The following MYH10 variants were observed in gnomAD, a reference collection of about 807,000 sequenced individuals.
The protein encoded by MYH10 is myosin heavy chain 10.
MYH10 carries 55 observed loss-of-function variants against 257.8 expected under a neutral mutation model. That is an observed-to-expected ratio of 0.21 (90% confidence interval 0.17 to 0.27). The LOEUF (loss-of-function observed/expected upper bound fraction) is 0.27, where lower values mean the gene tolerates loss of function less well. Ranked by LOEUF, MYH10 falls within the 10% of genes least tolerant of loss-of-function variation. The pLI is 1.00. For synonymous variants in MYH10, 854 were observed against 921.7 expected (o/e 0.93, Z 1.33); for missense variants, 1,631 against 2,500.6 (o/e 0.65, Z 7.42).
chr17:8,545,474 C>G lies in MYH10; in HGVS notation c.1405G>C (p.Asp469His). ...RQGASFIGIL[D>H]IAGFEIFELN... is the part of the protein sequence containing the mutation. ...TCAAAAATTTCAAATCCAGCAATATCCAGGATTCCAATGAAAGATGCTCCC... is the reference window on the plus strand; with the variant it reads ...TCAAAAATTTCAAATCCAGCAATATGCAGGATTCCAATGAAAGATGCTCCC... The change falls in exon 13 of 43, where the codon GAT (aspartate) becomes CAT (histidine). Residue 469 changes from aspartate (D) to histidine (H), a missense_variant. This residue lies in a region of MYH10 where 360 missense variants were observed against 581.9 expected (regional missense o/e 0.62). Coordinates refer to ENST00000360416, the MANE Select transcript of MYH10 (RefSeq NM_001256012.3). This position sits in a 1 kb window ranked among gnomAD's most constrained non-coding sequence, Gnocchi z 4.7. 6.2e-7 allele frequency: 1 copy of G among 1,613,606 alleles called. No individual in the cohort carries two copies. Among genetic ancestry groups the G allele is most frequent in the Non-Finnish European group, 8.5e-7 (1 of 1,179,916 alleles).
At chr17:8,589,499 C>T (rs536857535) in intron 3 of MYH10, among the ~76,000 whole-genome samples, 2 of 152,112 alleles carry the variant, frequency 1.3e-5, no homozygotes, top group Non-Finnish European at 2.9e-5. Flanking sequence ...GATTAAAAAC[C>T]CTTCTTTAAA....
chr17:8,547,294 C>T (rs2082475173), intron 11 of MYH10, among the ~76,000 whole-genome samples: 1 of 152,080 alleles, frequency 6.6e-6, no homozygotes, highest in Non-Finnish European at 1.5e-5. Context: ...TAATATATGC[C>T]TTACTCTGCA....
rs1026634588 is a variant in MYH10 at position 8,484,405 on chromosome 17, A to G, written c.5047-139T>C. The G allele has an allele frequency of 6.9e-6, 5 of 724,894 alleles. No individual in the cohort carries two copies. In the African/African-American group the frequency reaches 9.2e-5, roughly 13 times the overall value. 44.9% of individuals were successfully genotyped at this position (724,894 alleles called of 1,614,324 possible). ...GCCTCAAGCATTGCTCCTGATTACA[A>G]GTGTGAGCTGCGGTGCCTGGCCCCA... On this transcript the variant is annotated intron_variant, in intron 36 of 42. Coordinates refer to ENST00000360416, the MANE Select transcript of MYH10 (RefSeq NM_001256012.3).
rs774140482 is a variant in MYH10 at position 8,480,468 on chromosome 17, C to T, written c.5322G>A (p.Glu1774=). The T allele has an allele frequency of 6.2e-7, 1 of 1,612,640 alleles. No individual in the cohort carries two copies. The change falls in exon 39 of 43, where the codon GAG becomes GAA. Residue 1774 remains glutamate, a synonymous_variant. Transcript: ENST00000360416. ...RLEARIAQLE[E]ELEEEQSNME... ...TGTTGCTCTGCTCCTCTTCCAGCTCCTCCTCCAGCTGTGCGATCCGAGCTT... is the reference window on the plus strand; with the variant it reads ...TGTTGCTCTGCTCCTCTTCCAGCTCTTCCTCCAGCTGTGCGATCCGAGCTT...
At chr17:8,532,041 G>A (rs939209533) in intron 16 of MYH10, among the ~76,000 whole-genome samples, 7 of 152,142 alleles carry the variant, frequency 4.6e-5, no homozygotes, top group Non-Finnish European at 1.0e-4. Context: ...TCACCCTGAA[G>A]AACAGTGCCT....
Position 8,480,308 on chromosome 17 carries a change from A to T in MYH10, c.5399T>A (p.Leu1800Gln), listed in dbSNP as rs1433736551. 1 of 1,614,066 alleles carries T rather than the reference A, an allele frequency of 6.2e-7. No individual in the cohort carries two copies. The highest frequency in any genetic ancestry group is 2.2e-5 in the East Asian group (1 of 44,886). The change falls in exon 40 of 43, where the codon CTG becomes CAG. Residue 1800 changes from leucine (L) to glutamine (Q), a missense_variant. Leu to Gln is a moderately radical substitution (Grantham distance 113). Around this residue, in one of 11 missense-constraint regions of MYH10, gnomAD observed 343 missense variants for 389.5 expected, o/e 0.88. Transcript: ENST00000360416. ...GCGCTCGGCTGCTAGCTCGGCGTTC[A>T]GTGTGTCCACCTAGAGAGGAGAGAG... ...FRKTTLQVDT[L>Q]NAELAAERSA...
At position 8,476,873 on chromosome 17, in the gene MYH10, C is replaced by T. The variant is rs760516833; in HGVS notation, c.5879+3G>A. On this transcript the variant is annotated splice_donor_region_variant and intron_variant, in intron 42 of 42. Coordinates refer to ENST00000360416, the MANE Select transcript of MYH10 (RefSeq NM_001256012.3). ...GTCAGCTCGGGGCCGCATGCCTGCTCACCTCAGCCGGTTCTTCAGGGTGCT... is the reference window on the plus strand; with the variant it reads ...GTCAGCTCGGGGCCGCATGCCTGCTTACCTCAGCCGGTTCTTCAGGGTGCT... 6.2e-7 allele frequency: 1 copy of T among 1,604,424 alleles called. No individual in the cohort carries two copies. The highest frequency in any genetic ancestry group is 8.5e-7 in the Non-Finnish European group (1 of 1,177,196).
intron 42 of MYH10, among the ~76,000 whole-genome samples, chr17:8,476,674 C>T (rs1434122906): frequency 6.6e-6 from 1 of 152,236 alleles, no homozygotes; most frequent in African/African-American, 2.4e-5. Flanking sequence ...CCTCTAGTGA[C>T]TGGCAATGAA....
In MYH10 at chr17:8,502,480, T is replaced by TTGTG. The variant is rs55865122; in HGVS notation, c.3600-1514_3600-1511dup. On this transcript the variant is annotated intron_variant, in intron 28 of 42. Transcript: ENST00000360416. The stretch of plus-strand genomic sequence containing the variant: ...AGCACGTTGTCTTTTGGGAAAATAG[T>TTGTG]TGTGTGTGTGTGTGTGTGTGTGTGT... Among the ~76,000 whole-genome samples, 173 of 150,258 alleles carry TTGTG rather than the reference T, an allele frequency of 1.2e-3. 1 individual carries two copies. Among genetic ancestry groups the TTGTG allele is most frequent in the African/African-American group, 3.9e-3 (158 of 40,950 alleles).
At chr17:8,505,297 C>T (rs1005739108) in intron 27 of MYH10, among the ~76,000 whole-genome samples, 13 of 152,208 alleles carry the variant, frequency 8.5e-5, no homozygotes, top group African/African-American at 1.7e-4. Context: ...CCTCATCACA[C>T]CGGAACCCAG....
chr17:8,513,253 G>A (rs924700157), intron 23 of MYH10, among the ~76,000 whole-genome samples: 3 of 152,138 alleles, frequency 2.0e-5, no homozygotes, highest in South Asian at 2.1e-4. Flanking sequence ...GAACCTCATC[G>A]AAAACAGGTG....
chr17:8,589,221 C>A, intron 3 of MYH10, 113 bp from the exon 4 acceptor site: 1 of 1,060,732 alleles, frequency 9.4e-7, no homozygotes, highest in Admixed American at 2.2e-5. Context: ...GTAACTACTC[C>A]TCTCGAGCCA....
At chr17:8,514,320 A>C (rs1388032311) in intron 21 of MYH10, among the ~76,000 whole-genome samples, 1 of 152,120 alleles carries the variant, frequency 6.6e-6, no homozygotes, top group Non-Finnish European at 1.5e-5. Flanking sequence ...CACAGAAGAA[A>C]CATTTCTCCC....
chr17:8,551,323 A>G (rs7212535), intron 9 of MYH10, among the ~76,000 whole-genome samples: 146,759 of 152,184 alleles, frequency 0.96, 70,999 homozygotes, highest in East Asian at 1. Flanking sequence ...CTTGCAGGTC[A>G]TTCTCTGATT....
chr17:8,596,210 T>C (rs2084365118), intron 3 of MYH10, among the ~76,000 whole-genome samples: 1 of 150,922 alleles, frequency 6.6e-6, no homozygotes, highest in African/African-American at 2.4e-5. Flanking sequence ...TGGAGTGCAG[T>C]GGCGCGATCT....
intron 7 of MYH10, chr17:8,561,405 C>T (rs566592678): frequency 3.2e-5 from 34 of 1,047,246 alleles, no homozygotes; most frequent in Admixed American, 8.4e-5. Context: ...CAAGTGTCTT[C>T]GATGCCTATG....
chr17:8,592,347 A>G (rs917858233), intron 3 of MYH10, among the ~76,000 whole-genome samples: 14 of 152,170 alleles, frequency 9.2e-5, no homozygotes, highest in Non-Finnish European at 1.5e-4. Context: ...AAAAAAATCA[A>G]TGAAACCAAA....
rs1393382065 is a variant in MYH10, at chr17:8,477,803, T to C, written c.5706+535A>G. On this transcript the variant is annotated intron_variant, in intron 41 of 42. Transcript: ENST00000360416. This position sits in a 1 kb window ranked among gnomAD's most constrained non-coding sequence, Gnocchi z 4.2. ...AGGGCAGGGAGCGGGAGGGAGGGTA[T>C]AGCTGCCCACGCTGCAATCAGGGCA... Among the ~76,000 whole-genome samples, 1 of 152,124 alleles carries C rather than the reference T, an allele frequency of 6.6e-6. No individual in the cohort carries two copies. The highest frequency in any genetic ancestry group is 1.5e-5 in the Non-Finnish European group (1 of 68,006).
chr17:8,487,713 G>A, intron 35 of MYH10, 119 bp from the exon 36 acceptor site: 3 of 1,136,806 alleles, frequency 2.6e-6, no homozygotes, highest in Non-Finnish European at 3.8e-6. Flanking sequence ...CTGTTACTCT[G>A]TAGAGGTCTC....
Sources: allele counts gnomAD v4.1 joint callset (sites outside exome capture counted in the v4.1 genomes callset), GRCh38; gene constraint gnomAD v4.1.1; regional missense constraint gnomAD v4.1.1; non-coding constraint Gnocchi (gnomAD v3.1); transcripts MANE v1.5; gene names NCBI Gene and HGNC (gene_info 2026-07-23, HGNC 2026-07-21).